Variants in ACER1 observed in about 807,000 individuals in gnomAD.
ACER1 encodes the protein alkaline ceramidase 1.
ACER1 carries 28 observed loss-of-function variants against 24.9 expected under a neutral mutation model. The ratio of observed to expected loss-of-function variants is 1.13; its 90% confidence interval spans 0.83 to 1.54. The LOEUF is 1.54. ACER1 is among the 40% of genes most tolerant of loss of function. ACER1 has a pLI of 0.00. For missense variants in ACER1, 352 were observed against 349.3 expected (o/e 1.01, Z -0.06); for synonymous variants, 132 against 131.4 (o/e 1.00, Z -0.03).
chr19:6,355,601 GC>G, the ACER1 span, among the ~76,000 whole-genome samples: 1 of 147,866 alleles, frequency 6.8e-6, no homozygotes, highest in Admixed American at 6.6e-5. Flanking sequence ...CAGGCCAGCC[GC>G]CCCGTCCGGG....
intron 1 of ACER1, among the ~76,000 whole-genome samples, chr19:6,328,962 A>C (rs2145017167): frequency 6.6e-6 from 1 of 151,938 alleles, no homozygotes; most frequent in South Asian, 2.1e-4. Flanking sequence ...TGTGTGAGCC[A>C]CTGTGCCCAG....
the ACER1 span, among the ~76,000 whole-genome samples, chr19:6,352,194 C>T: frequency 1.3e-5 from 2 of 152,138 alleles, no homozygotes; most frequent in Non-Finnish European, 2.9e-5. Flanking sequence ...TATGCCCCTG[C>T]CACTCCTCCG....
At chr19:6,324,819 A>AGAAGGAAAGGAAGGAAGGAAG (rs2091651183) in intron 1 of ACER1, among the ~76,000 whole-genome samples, 2 of 144,462 alleles carry the variant, frequency 1.4e-5, no homozygotes, top group African/African-American at 5.1e-5. Context: ...AAAGAAGGAG[A>AGAAGGAAAGGAAGGAAGGAAG]GAAGGAAAGG....
chr19:6,355,798 G>A, the ACER1 span, among the ~76,000 whole-genome samples: 1 of 147,038 alleles, frequency 6.8e-6, no homozygotes, highest in African/African-American at 2.6e-5. Context: ...GGAGGGAGGT[G>A]GGGGGTTCAG....
chr19:6,317,632 G>A (rs1295899849), intron 1 of ACER1, among the ~76,000 whole-genome samples: 2 of 152,198 alleles, frequency 1.3e-5, no homozygotes, highest in African/African-American at 2.4e-5. Context: ...CCATTAAAAC[G>A]TGTCTGGGCC....
At chr19:6,312,608 C>G (rs1305773598) in intron 1 of ACER1, 109 bp from the exon 2 acceptor site, 11 of 765,990 alleles carry the variant, frequency 1.4e-5, no homozygotes. Flanking sequence ...TGCTGCATTT[C>G]AGGCAATGCA....
chr19:6,350,422 T>A, the ACER1 span, among the ~76,000 whole-genome samples: 1 of 149,792 alleles, frequency 6.7e-6, no homozygotes, highest in African/African-American at 2.5e-5. Context: ...TTAAAAAAAA[T>A]TAGCTGGGCA....
upstream of ACER1, among the ~76,000 whole-genome samples, chr19:6,334,202 G>A (rs1317298968): frequency 5.3e-5 from 8 of 151,992 alleles, no homozygotes; most frequent in Admixed American, 2.6e-4. Context: ...CCACCGCCAC[G>A]ACCGGCTAAT....
rs142328373 is a variant in ACER1, at chr19:6,313,281, G to A, written c.94-782C>T. ...CTACAGGTGCCCGCCACCCCACCTG[G>A]CTAATTTTCTTTTATTTTTTGTAGA... On this transcript the variant is annotated intron_variant, in intron 1 of 5. Coordinates refer to ENST00000301452, the MANE Select transcript of ACER1 (RefSeq NM_133492.3). Among the ~76,000 whole-genome samples the A allele has an allele frequency of 4.7e-3, 708 of 152,086 alleles. 8 individuals are homozygous for A. Among genetic ancestry groups the A allele is most frequent in the African/African-American group, 0.016 (681 of 41,486 alleles).
At position 6,314,872 on chromosome 19, in the gene ACER1, TTTTA is replaced by T. The variant is rs141253604; in HGVS notation, c.94-2377_94-2374del. Among the ~76,000 whole-genome samples, 138 of 150,216 alleles carry T rather than the reference TTTTA, an allele frequency of 9.2e-4. 1 individual carries two copies. The Middle Eastern group carries it at 0.01, about 11-fold the overall frequency. ...GATGTGGTATATATACACAATGGAA[TTTTA>T]TTTATTTATTTATTTATTTATTTAT... is the stretch of plus-strand genomic sequence containing the variant. On this transcript the variant is annotated intron_variant, in intron 1 of 5. Coordinates refer to ENST00000301452, the MANE Select transcript of ACER1 (RefSeq NM_133492.3).
At chr19:6,352,386 C>A in the ACER1 span, among the ~76,000 whole-genome samples, 1 of 152,154 alleles carries the variant, frequency 6.6e-6, no homozygotes, top group Non-Finnish European at 1.5e-5. Context: ...GACCACCATA[C>A]CATGAGGGAG....
At chr19:6,353,065 T>C in the ACER1 span, among the ~76,000 whole-genome samples, 9,104 of 152,102 alleles carry the variant, frequency 0.06, 399 homozygotes, top group African/African-American at 0.12. Flanking sequence ...GTGGCTCACA[T>C]CTGTAATCCC....
rs190829820 is a variant in ACER1 at position 6,310,245 on chromosome 19, G to A, written c.351-411C>T. Among the ~76,000 whole-genome samples the A allele has an allele frequency of 8.2e-3, 1,239 of 150,724 alleles. 8 individuals carry two copies. Among genetic ancestry groups the A allele is most frequent in the African/African-American group, 0.021 (843 of 41,062 alleles). ...TGGGACTACAGGCGCCCGCCACCACGCCCGGCTCATTTTTTATATTTTTAC... is the reference window on the plus strand; with the variant it reads ...TGGGACTACAGGCGCCCGCCACCACACCCGGCTCATTTTTTATATTTTTAC... On this transcript the variant is annotated intron_variant, in intron 3 of 5. Transcript: ENST00000301452.
In ACER1 at chr19:6,309,055, C is replaced by T. The variant is rs980856746; in HGVS notation, c.488+642G>A. Among the ~76,000 whole-genome samples the T allele has an allele frequency of 4.0e-5, 6 of 151,832 alleles. No individual in the cohort carries two copies. The South Asian group carries it at 6.2e-4, about 16-fold the overall frequency. ...CTCTACTAAAAATACAAAAATTAGC[C>T]GAGCATGGTGGCATACACCTGTACT... On this transcript the variant is annotated intron_variant, in intron 4 of 5. Transcript: ENST00000301452.
At chr19:6,322,935 A>G (rs1269469942) in intron 1 of ACER1, among the ~76,000 whole-genome samples, 2 of 151,808 alleles carry the variant, frequency 1.3e-5, no homozygotes, top group Non-Finnish European at 2.9e-5. Flanking sequence ...ACATGGAGAA[A>G]CCCCATCTCT....
At chr19:6,340,414 C>T in the ACER1 span, among the ~76,000 whole-genome samples, 1 of 151,938 alleles carries the variant, frequency 6.6e-6, no homozygotes, top group Non-Finnish European at 1.5e-5. Context: ...CTGTATAGCA[C>T]CCCTCCACAA....
At chr19:6,329,121 C>A (rs1455452664) in intron 1 of ACER1, among the ~76,000 whole-genome samples, 2 of 151,818 alleles carry the variant, frequency 1.3e-5, no homozygotes, top group African/African-American at 4.8e-5. Context: ...CCATCCCAGG[C>A]TGGGCAATAG....
At chr19:6,354,688 G>A in the ACER1 span, among the ~76,000 whole-genome samples, 112 of 152,288 alleles carry the variant, frequency 7.4e-4, no homozygotes, top group African/African-American at 2.5e-3. Flanking sequence ...GGGAGGCCAA[G>A]GCAGGAGGAT....
chr19:6,350,159 G>C, the ACER1 span, among the ~76,000 whole-genome samples: 2 of 151,356 alleles, frequency 1.3e-5, no homozygotes, highest in African/African-American at 4.9e-5. Flanking sequence ...AAGAAGGGAA[G>C]GGAAGGAGAG....
Sources: gnomAD v4.1 joint callset for allele counts (sites outside exome capture counted in the v4.1 genomes callset) on GRCh38, gnomAD v4.1.1 for gene constraint, MANE v1.5 for transcripts, NCBI Gene and HGNC (gene_info 2026-07-23, HGNC 2026-07-21) for gene names.